The following VTI1A variants were observed in gnomAD, a reference collection of about 807,000 sequenced individuals.
VTI1A encodes the protein vesicle transport through interaction with t-SNAREs homolog 1A.
In VTI1A, 22 loss-of-function variants were observed where a neutral mutation model predicts 34.9. The observed-to-expected ratio is 0.63, with a 90% CI of 0.45 to 0.90. VTI1A has a LOEUF of 0.90. Ranked by LOEUF, VTI1A falls within the 40% of genes least tolerant of loss-of-function variation. VTI1A has a pLI of 0.00. For missense variants in VTI1A, 268 were observed against 275.6 expected (o/e 0.97, Z 0.20); for synonymous variants, 87 against 97.3 (o/e 0.89, Z 0.62).
intron 5 of VTI1A, among the ~76,000 whole-genome samples, chr10:112,543,215 A>G (rs1850936416): frequency 1.3e-5 from 2 of 152,140 alleles, no homozygotes; most frequent in Admixed American, 1.3e-4. Flanking sequence ...GCTGAGTCAA[A>G]TGGTATTTCT....
intron 5 of VTI1A, among the ~76,000 whole-genome samples, chr10:112,600,485 C>T (rs1305265947): frequency 6.6e-6 from 1 of 152,194 alleles, no homozygotes; most frequent in African/African-American, 2.4e-5. Context: ...GCCCCAGGGT[C>T]TGTGTACTTG....
intron 1 of VTI1A, among the ~76,000 whole-genome samples, chr10:112,458,842 AT>A (rs1847634627): frequency 6.6e-6 from 1 of 151,670 alleles, no homozygotes; most frequent in African/African-American, 2.4e-5. Context: ...AATTTTTTGT[AT>A]TTTTAGTAGA....
intron 3 of VTI1A, among the ~76,000 whole-genome samples, chr10:112,465,590 A>G (rs1245928689): frequency 6.6e-6 from 1 of 152,248 alleles, no homozygotes; most frequent in African/African-American, 2.4e-5. Context: ...ACATTATGCT[A>G]TGTGAAATAA....
intron 5 of VTI1A, among the ~76,000 whole-genome samples, chr10:112,591,657 A>G (rs982793174): frequency 3.3e-5 from 5 of 152,194 alleles, no homozygotes; most frequent in African/African-American, 1.2e-4. Flanking sequence ...TGGACATCTC[A>G]GGCTGGTGTT....
At chr10:112,539,393 C>T (rs1850774748) in intron 5 of VTI1A, among the ~76,000 whole-genome samples, 1 of 152,114 alleles carries the variant, frequency 6.6e-6, no homozygotes, top group Non-Finnish European at 1.5e-5. Context: ...GGCAACCAAA[C>T]AGGAAGAATA....
intron 7 of VTI1A, among the ~76,000 whole-genome samples, chr10:112,746,680 C>T (rs1205071192): frequency 1.3e-5 from 2 of 152,190 alleles, no homozygotes; most frequent in African/African-American, 4.8e-5. Context: ...GAGCACCTCT[C>T]AGGCCAAAAT....
intron 7 of VTI1A, among the ~76,000 whole-genome samples, chr10:112,797,940 C>T (rs556258770): frequency 6.6e-5 from 10 of 152,210 alleles, no homozygotes; most frequent in Non-Finnish European, 1.2e-4. Flanking sequence ...GTTTCAGCTA[C>T]GTGAGTCAGT....
the VTI1A span, among the ~76,000 whole-genome samples, chr10:112,846,046 T>C: frequency 2.0e-5 from 3 of 152,036 alleles, no homozygotes; most frequent in Non-Finnish European, 4.4e-5. Flanking sequence ...GGTGGGAATT[T>C]TGATGTCCTT....
chr10:112,510,168 A>T (rs754009868), intron 3 of VTI1A, among the ~76,000 whole-genome samples: 3 of 152,208 alleles, frequency 2.0e-5, no homozygotes, highest in Non-Finnish European at 4.4e-5. Flanking sequence ...TCTCTTCAAG[A>T]ACATTTGACA....
intron 7 of VTI1A, among the ~76,000 whole-genome samples, chr10:112,758,918 A>G (rs570872831): frequency 6.6e-6 from 1 of 152,350 alleles, no homozygotes; most frequent in South Asian, 2.1e-4. Flanking sequence ...TCTACAAGGT[A>G]GGCATCTTCC....
intron 7 of VTI1A, among the ~76,000 whole-genome samples, chr10:112,719,675 T>C (rs1186776532): frequency 6.6e-6 from 1 of 151,998 alleles, no homozygotes; most frequent in East Asian, 1.9e-4. Context: ...GCTTTCCGAG[T>C]AGTTGGGATT....
chr10:112,670,674 C>A (rs1197387574), intron 7 of VTI1A, among the ~76,000 whole-genome samples: 1 of 152,140 alleles, frequency 6.6e-6, no homozygotes, highest in African/African-American at 2.4e-5. Flanking sequence ...ACTGGGCTTT[C>A]TGTAGGGAAA....
intron 7 of VTI1A, among the ~76,000 whole-genome samples, chr10:112,797,787 A>G (rs930966194): frequency 2.6e-5 from 4 of 152,182 alleles, no homozygotes; most frequent in Non-Finnish European, 4.4e-5. Context: ...ACCTAAATAT[A>G]TGCAACACAA....
chr10:112,460,951 A>T (rs764314426), intron 2 of VTI1A, among the ~76,000 whole-genome samples: 4 of 152,244 alleles, frequency 2.6e-5, no homozygotes, highest in African/African-American at 4.8e-5. Context: ...TTTGTCAAAA[A>T]TGATAAAGGG....
At chr10:112,731,024 G>A (rs1850237754) in intron 7 of VTI1A, among the ~76,000 whole-genome samples, 1 of 152,046 alleles carries the variant, frequency 6.6e-6, no homozygotes, top group Non-Finnish European at 1.5e-5. Context: ...AAGTGATTAA[G>A]GAACTTCAGT....
chr10:112,512,568 A>G (rs1009149747), intron 3 of VTI1A, among the ~76,000 whole-genome samples: 1 of 152,020 alleles, frequency 6.6e-6, no homozygotes, highest in African/African-American at 2.4e-5. Context: ...CCATTTGTCT[A>G]TTTTTGGTTT....
intron 7 of VTI1A, among the ~76,000 whole-genome samples, chr10:112,673,131 A>G (rs1279154017): frequency 6.6e-5 from 10 of 152,142 alleles, no homozygotes; most frequent in Non-Finnish European, 1.3e-4. Flanking sequence ...AGCCTGGCCA[A>G]CATGGTGAAA....
At chr10:112,783,432 C>T (rs1320419422) in intron 7 of VTI1A, among the ~76,000 whole-genome samples, 3 of 151,696 alleles carry the variant, frequency 2.0e-5, no homozygotes, top group Non-Finnish European at 2.9e-5. Flanking sequence ...CACACTGCCT[C>T]CTCTGAAAAC....
intron 5 of VTI1A, among the ~76,000 whole-genome samples, chr10:112,657,821 T>G (rs10787455): frequency 0.29 from 39,526 of 136,178 alleles, 5,965 homozygotes; most frequent in East Asian, 0.61. Flanking sequence ...GTGTGTGTGT[T>G]TGTGTGTGTA....
Sources: allele counts gnomAD v4.1 joint callset (sites outside exome capture counted in the v4.1 genomes callset), GRCh38; gene constraint gnomAD v4.1.1; transcripts MANE v1.5; gene names NCBI Gene and HGNC (gene_info 2026-07-23, HGNC 2026-07-21).